The following SMAP2 variants were observed in gnomAD, a reference collection of about 807,000 sequenced individuals.
SMAP2 encodes the protein stromal membrane-associated protein 2.
SMAP2 carries 25 observed loss-of-function variants against 56.4 expected under a neutral mutation model. The ratio of observed to expected loss-of-function variants is 0.44; its 90% confidence interval spans 0.32 to 0.62. SMAP2 has a LOEUF of 0.62. Ranked by LOEUF, SMAP2 falls within the 20% of genes least tolerant of loss-of-function variation. The pLI is 0.04. For missense variants in SMAP2, 388 were observed against 545.6 expected (o/e 0.71, Z 2.88); for synonymous variants, 157 against 181.7 (o/e 0.86, Z 1.09).
chr1:40,359,775 C>T (rs941351519), intron 1 of SMAP2, among the ~76,000 whole-genome samples: 9 of 152,142 alleles, frequency 5.9e-5, no homozygotes, highest in South Asian at 4.2e-4. Flanking sequence ...ACACTGATTG[C>T]GTAAACAGAC....
At chr1:40,345,391 A>G (rs1014086636) in intron 1 of SMAP2, among the ~76,000 whole-genome samples, 21 of 129,238 alleles carry the variant, frequency 1.6e-4, no homozygotes, top group South Asian at 6.3e-4. Context: ...TCTCTAAGGA[A>G]AAAAAAAAAA....
chr1:40,371,122 G>A (rs209572), upstream of SMAP2, among the ~76,000 whole-genome samples: 46,543 of 151,766 alleles, frequency 0.31, 7,701 homozygotes, highest in Non-Finnish European at 0.38. Context: ...GCAGTGAGCC[G>A]AGATCGCACC....
chr1:40,351,722 G>T (rs1400836109), intron 1 of SMAP2, among the ~76,000 whole-genome samples: 2 of 152,142 alleles, frequency 1.3e-5, no homozygotes, highest in Middle Eastern at 3.4e-3. Context: ...GGCTCGTCTC[G>T]AACTCCTAAC....
rs75199612 is a variant in SMAP2 at position 40,392,080 on chromosome 1, A to G, written c.104-14656A>G. Among the ~76,000 whole-genome samples, 137 of 152,054 alleles carry G rather than the reference A, an allele frequency of 9.0e-4. 1 individual carries two copies. In the East Asian group the frequency reaches 0.019, roughly 21 times the overall value. ...CCTGCACACCAACTCCACCCAGCCTATTGTTAGCCATTGAAGTGGTGATTG... is the reference window on the plus strand; with the variant it reads ...CCTGCACACCAACTCCACCCAGCCTGTTGTTAGCCATTGAAGTGGTGATTG... On this transcript the variant is annotated intron_variant, in intron 1 of 9. Transcript: ENST00000372718.
In SMAP2 at chr1:40,416,876, C is replaced by T. The variant is rs1349158147; in HGVS notation, c.944C>T (p.Pro315Leu). 6.2e-7 allele frequency: 1 copy of T among 1,614,104 alleles called. No homozygotes were observed. Among genetic ancestry groups the T allele is most frequent in the African/African-American group, 1.3e-5 (1 of 74,946 alleles). ...PPNSIMGSMMPPPVGMVAQPG... is the reference protein window; with the variant it reads ...PPNSIMGSMMLPPVGMVAQPG... The stretch of plus-strand genomic sequence containing the variant: ...AACAGCATAATGGGGAGCATGATGC[C>T]TCCACCAGTAGGCATGGTTGCTCAG... Residue 315 changes from proline to leucine, a missense_variant, in exon 9 of 10, where the codon CCT (proline) becomes CTT (leucine). Physicochemically the swap from Pro to Leu is moderately conservative, Grantham distance 98 (BLOSUM62 -3). Transcript: ENST00000372718.
At chr1:40,346,917 A>T (rs1035269212) in intron 1 of SMAP2, among the ~76,000 whole-genome samples, 7 of 151,922 alleles carry the variant, frequency 4.6e-5, no homozygotes, top group African/African-American at 1.7e-4. Flanking sequence ...GTGCACAATC[A>T]TAGCTCACTG....
chr1:40,363,643 G>A (rs1224242175), intron 2 of SMAP2, among the ~76,000 whole-genome samples: 1 of 152,140 alleles, frequency 6.6e-6, no homozygotes, highest in Non-Finnish European at 1.5e-5. Flanking sequence ...CAAAAATACA[G>A]TGAGTAATCA....
At chr1:40,394,261 C>T (rs561117114) in intron 1 of SMAP2, among the ~76,000 whole-genome samples, 8 of 152,090 alleles carry the variant, frequency 5.3e-5, no homozygotes, top group Non-Finnish European at 1.0e-4. Context: ...GCGCCAATCA[C>T]TAGGGATTGG....
intron 1 of SMAP2, among the ~76,000 whole-genome samples, chr1:40,396,459 C>T (rs369093955): frequency 6.6e-6 from 1 of 152,190 alleles, no homozygotes; most frequent in African/African-American, 2.4e-5. Flanking sequence ...CCTTTATTCT[C>T]TAACCAGTCT....
intron 1 of SMAP2, among the ~76,000 whole-genome samples, chr1:40,353,076 TTGCTGCCTCC>T (rs991441168): frequency 1.3e-5 from 2 of 152,218 alleles, no homozygotes; most frequent in Non-Finnish European, 2.9e-5. Context: ...CCCATCTCTC[TTGCTGCCTCC>T]TGCCATAAGG....
chr1:40,360,305 CTTT>C (rs34776166), intron 1 of SMAP2, among the ~76,000 whole-genome samples: 5 of 111,420 alleles, frequency 4.5e-5, no homozygotes, highest in Non-Finnish European at 3.8e-5. Flanking sequence ...CGTGCCTGAG[CTTT>C]TTTTTTTTTT....
At chr1:40,389,904 C>T (rs1485974452) in intron 1 of SMAP2, among the ~76,000 whole-genome samples, 1 of 151,346 alleles carries the variant, frequency 6.6e-6, no homozygotes, top group African/African-American at 2.4e-5. Flanking sequence ...ATGCCCCCAC[C>T]TCCACCCACT....
At position 40,408,307 on chromosome 1, in the gene SMAP2, A is replaced by G. The variant is rs1236670998; in HGVS notation, c.238-346A>G. 1.3e-5 allele frequency among the ~76,000 whole-genome samples: 2 copies of G among 152,236 alleles called. No individual in the cohort carries two copies. The highest frequency in any genetic ancestry group is 2.9e-5 in the Non-Finnish European group (2 of 68,034). On this transcript the variant is annotated intron_variant, in intron 2 of 9. Coordinates refer to ENST00000372718, the MANE Select transcript of SMAP2 (RefSeq NM_022733.3). This position sits in a 1 kb window ranked among gnomAD's most constrained non-coding sequence, Gnocchi z 4.3. Reference sequence around the variant, plus strand: ...ATTAATAGTATAAACTCAGAATGATAACACTGATCATTGCCTGCCAAGTAG... The same window carrying G: ...ATTAATAGTATAAACTCAGAATGATGACACTGATCATTGCCTGCCAAGTAG...
chr1:40,387,062 A>G (rs1193423780), intron 1 of SMAP2, among the ~76,000 whole-genome samples: 1 of 152,122 alleles, frequency 6.6e-6, no homozygotes, highest in Non-Finnish European at 1.5e-5. Flanking sequence ...CATGTTGCCC[A>G]GGCTAGTCTC....
chr1:40,422,140 T>C lies in SMAP2; in HGVS notation c.*39T>C. 6.2e-7 allele frequency: 1 copy of C among 1,610,796 alleles called. No individual in the cohort carries two copies. The highest frequency in any genetic ancestry group is 8.5e-7 in the Non-Finnish European group (1 of 1,178,918). ...GTATGGCTGCCATTCTCTTCAGCCC[T>C]CGCTCTCCCCTTTCCACAGCCTCCA... On this transcript the variant is annotated 3_prime_UTR_variant, in exon 10 of 10. Transcript: ENST00000372718.
At chr1:40,351,120 G>A (rs962370462) in intron 1 of SMAP2, among the ~76,000 whole-genome samples, 8 of 152,162 alleles carry the variant, frequency 5.3e-5, no homozygotes, top group African/African-American at 1.7e-4. Flanking sequence ...ATTTTCTGGT[G>A]CCTTCTGGAG....
chr1:40,421,880 C>A, intron 9 of SMAP2, 96 bp from the exon 10 acceptor site: 1 of 1,415,376 alleles, frequency 7.1e-7, no homozygotes, highest in Non-Finnish European at 9.9e-7. Context: ...TCTCATTCTC[C>A]CCATCCTGGC....
chr1:40,396,589 A>G (rs74071007), intron 1 of SMAP2, among the ~76,000 whole-genome samples: 595 of 152,340 alleles, frequency 3.9e-3, no homozygotes, highest in African/African-American at 0.013. Context: ...TTCTTGCAAG[A>G]TGGCCCAGAT....
chr1:40,417,227 G>GA, intron 9 of SMAP2, 131 bp downstream of exon 9: 1 of 499,664 alleles, frequency 2.0e-6, no homozygotes, highest in Non-Finnish European at 3.2e-6. Context: ...TGTTAGGTTT[G>GA]CTTTTTTTTT....
Sources: allele counts gnomAD v4.1 joint callset (sites outside exome capture counted in the v4.1 genomes callset), GRCh38; gene constraint gnomAD v4.1.1; non-coding constraint Gnocchi (gnomAD v3.1); transcripts MANE v1.5; gene names NCBI Gene and HGNC (gene_info 2026-07-23, HGNC 2026-07-21).